ADAMTS6: variants seen among roughly 807,000 people sequenced by gnomAD.
ADAMTS6 encodes ADAM metallopeptidase with thrombospondin type 1 motif 6.
A neutral mutation model predicts 144.3 loss-of-function variants in ADAMTS6; 23 were observed. The observed-to-expected ratio is 0.16, with a 90% CI of 0.11 to 0.23. ADAMTS6 has a LOEUF of 0.23. Among genes scored for constraint, ADAMTS6 ranks in the 10% least tolerant of loss-of-function variants. The pLI is 1.00. For synonymous variants in ADAMTS6, 444 were observed against 457.5 expected, an observed-to-expected ratio of 0.97 and a Z score of 0.38; for missense variants, 999 against 1,379.6, an observed-to-expected ratio of 0.72 and a Z score of 4.37.
intron 18 of ADAMTS6, among the ~76,000 whole-genome samples, chr5:65,221,226 T>C (rs1334950858): frequency 1.3e-5 from 2 of 152,154 alleles, no homozygotes; most frequent in African/African-American, 4.8e-5. Context: ...CTCATGAACA[T>C]AGGTCCAAAT....
rs958247965 is a variant in ADAMTS6, at chr5:65,445,700, T to G, written c.1073+5775A>C. 2.0e-4 allele frequency among the ~76,000 whole-genome samples: 30 copies of G among 152,110 alleles called. 1 individual carries two copies. The highest frequency in any genetic ancestry group is 2.4e-4 in the Non-Finnish European group (16 of 68,020). ...CACAAGAAATTAGAGTTACTCCAGT[T>G]TGTCAGTCTACATTGAAATGGTAAC... On this transcript the variant is annotated intron_variant, in intron 7 of 24. Transcript: ENST00000381055.
At chr5:65,320,303 T>C (rs1418503447) in intron 9 of ADAMTS6, among the ~76,000 whole-genome samples, 2 of 152,204 alleles carry the variant, frequency 1.3e-5, no homozygotes, top group Non-Finnish European at 2.9e-5. Flanking sequence ...TCACAAATGT[T>C]AATAAATTTG....
intron 22 of ADAMTS6, among the ~76,000 whole-genome samples, chr5:65,184,569 CAAAT>C (rs1339903456): frequency 6.6e-6 from 1 of 152,160 alleles, no homozygotes; most frequent in Non-Finnish European, 1.5e-5. Context: ...CTATAGGAGT[CAAAT>C]AAACCATTTT....
At chr5:65,406,132 CTTTAT>C (rs1754456498) in intron 7 of ADAMTS6, among the ~76,000 whole-genome samples, 1 of 152,108 alleles carries the variant, frequency 6.6e-6, no homozygotes. Context: ...ATTGAATACC[CTTTAT>C]TTCTTTCTCC....
At chr5:65,343,507 C>T (rs112409019) in intron 7 of ADAMTS6, among the ~76,000 whole-genome samples, 125 of 152,112 alleles carry the variant, frequency 8.2e-4, no homozygotes, top group African/African-American at 2.5e-3. Context: ...AAGAATGAAA[C>T]CAGACCCCCA....
intron 7 of ADAMTS6, among the ~76,000 whole-genome samples, chr5:65,386,397 T>G (rs1336973498): frequency 6.6e-6 from 1 of 152,228 alleles, no homozygotes; most frequent in Non-Finnish European, 1.5e-5. Flanking sequence ...TCTTTGATGA[T>G]ACATTTGTTT....
chr5:65,401,711 C>G (rs1051411519), intron 7 of ADAMTS6, among the ~76,000 whole-genome samples: 13 of 152,150 alleles, frequency 8.5e-5, no homozygotes, highest in African/African-American at 3.1e-4. Flanking sequence ...GTCTGTCACT[C>G]CAATTTTGGG....
At chr5:65,392,044 A>C (rs1040053977) in intron 7 of ADAMTS6, among the ~76,000 whole-genome samples, 1 of 152,082 alleles carries the variant, frequency 6.6e-6, no homozygotes, top group African/African-American at 2.4e-5. Flanking sequence ...GCTGACATTA[A>C]CATTTTTTAA....
intron 8 of ADAMTS6, among the ~76,000 whole-genome samples, chr5:65,330,749 T>A (rs1407619826): frequency 2.0e-5 from 3 of 152,054 alleles, no homozygotes; most frequent in Non-Finnish European, 4.4e-5. Flanking sequence ...TTCCTACTGT[T>A]TTATGCGAGA....
At chr5:65,367,427 T>C (rs1664700641) in intron 7 of ADAMTS6, among the ~76,000 whole-genome samples, 1 of 152,224 alleles carries the variant, frequency 6.6e-6, no homozygotes, top group South Asian at 2.1e-4. Flanking sequence ...ATTTATAAGT[T>C]AAATCTGATT....
intron 7 of ADAMTS6, among the ~76,000 whole-genome samples, chr5:65,388,934 G>A (rs1752687100): frequency 1.3e-5 from 2 of 152,164 alleles, no homozygotes; most frequent in South Asian, 4.1e-4. Context: ...CAGGCCGGGC[G>A]CAGTGGCTCA....
chr5:65,358,475 C>T (rs574938037), intron 7 of ADAMTS6, among the ~76,000 whole-genome samples: 12 of 152,122 alleles, frequency 7.9e-5, no homozygotes, highest in Admixed American at 3.9e-4. Context: ...AGATTCTATA[C>T]AATCCTTACC....
At chr5:65,374,628 G>A (rs1298636166) in intron 7 of ADAMTS6, among the ~76,000 whole-genome samples, 1 of 152,132 alleles carries the variant, frequency 6.6e-6, no homozygotes, top group African/African-American at 2.4e-5. Context: ...ACAAATGGAA[G>A]AACATTGCAT....
chr5:65,358,234 G>A (rs1749518673), intron 7 of ADAMTS6, among the ~76,000 whole-genome samples: 1 of 151,884 alleles, frequency 6.6e-6, no homozygotes. Flanking sequence ...TCATCTGAAT[G>A]AGTGCATAAA....
intron 11 of ADAMTS6, among the ~76,000 whole-genome samples, chr5:65,273,913 A>G (rs530448478): frequency 6.6e-6 from 1 of 152,324 alleles, no homozygotes; most frequent in South Asian, 2.1e-4. Context: ...CATGGAATGG[A>G]TAAGAATTTA....
intron 11 of ADAMTS6, among the ~76,000 whole-genome samples, chr5:65,290,732 A>AT (rs1451595512): frequency 6.6e-6 from 1 of 152,240 alleles, no homozygotes; most frequent in African/African-American, 2.4e-5. Flanking sequence ...AATTTTATTC[A>AT]TTTTCTGATG....
chr5:65,344,272 T>A (rs945774393), intron 7 of ADAMTS6, among the ~76,000 whole-genome samples: 2 of 151,942 alleles, frequency 1.3e-5, no homozygotes, highest in Non-Finnish European at 2.9e-5. Context: ...GGGCCTTTCT[T>A]CATTACTATT....
chr5:65,226,215 C>G lies in ADAMTS6; in HGVS notation c.1938G>C (p.Gly646=), dbSNP rs1385976555. 6.2e-7 allele frequency: 1 copy of G among 1,613,024 alleles called. No homozygotes were observed. Among genetic ancestry groups the G allele is most frequent in the Non-Finnish European group, 8.5e-7 (1 of 1,179,408 alleles). Residue 646 remains glycine (G), a synonymous_variant, in exon 16 of 25, where the codon GGG becomes GGC. Coordinates refer to ENST00000381055, the MANE Select transcript of ADAMTS6 (RefSeq NM_197941.4). ...YYNWKPYTGG[G]VKPCALNCLA... is the part of the protein sequence containing the mutation. Reference sequence around the variant, plus strand: ...AGCAGTTTAATGCACAAGGTTTTACCCCACCTGGACAAATACAGTAGAAGA... The same window carrying G: ...AGCAGTTTAATGCACAAGGTTTTACGCCACCTGGACAAATACAGTAGAAGA...
intron 7 of ADAMTS6, among the ~76,000 whole-genome samples, chr5:65,427,249 A>G (rs917767638): frequency 6.6e-6 from 1 of 152,054 alleles, no homozygotes; most frequent in Non-Finnish European, 1.5e-5. Flanking sequence ...TTTTTATTCT[A>G]TCATTTGACA....
Sources: allele counts gnomAD v4.1 joint callset (sites outside exome capture counted in the v4.1 genomes callset), GRCh38; gene constraint gnomAD v4.1.1; transcripts MANE v1.5; gene names NCBI Gene and HGNC (gene_info 2026-07-23, HGNC 2026-07-21).